GLIS3: variants seen among roughly 807,000 people sequenced by gnomAD.
The protein encoded by GLIS3 is GLIS family zinc finger 3.
Under a neutral mutation model 78.6 loss-of-function variants are expected in GLIS3, and 53 were observed. The ratio of observed to expected loss-of-function variants is 0.67; its 90% CI spans 0.54 to 0.85. GLIS3 has a LOEUF of 0.85. GLIS3 is among the 40% of genes least tolerant of loss of function. The pLI is 0.00. For synonymous variants in GLIS3, 684 were observed against 509.9 expected (o/e 1.34, Z -4.60); for missense variants, 1,703 against 1,231.1 (o/e 1.38, Z -5.74).
intron 2 of GLIS3, among the ~76,000 whole-genome samples, chr9:4,226,316 G>A (rs188589184): frequency 3.9e-5 from 6 of 152,180 alleles, no homozygotes; most frequent in African/African-American, 1.2e-4. Context: ...ATAAAACTCC[G>A]TAAAGATAGG....
chr9:4,170,863 T>C (rs780942283), intron 2 of GLIS3, among the ~76,000 whole-genome samples: 9 of 152,218 alleles, frequency 5.9e-5, no homozygotes, highest in Non-Finnish European at 1.2e-4. Context: ...TCATGAATTC[T>C]CATAACTGGG....
At chr9:4,074,660 T>C (rs1331555594) in intron 4 of GLIS3, among the ~76,000 whole-genome samples, 1 of 152,216 alleles carries the variant, frequency 6.6e-6, no homozygotes, top group Non-Finnish European at 1.5e-5. Context: ...ACTCCATCAC[T>C]ATGAAGCCAA....
chr9:3,848,938 T>C lies in GLIS3; in HGVS notation c.2473+7071A>G, dbSNP rs117840220. 9.8e-5 allele frequency among the ~76,000 whole-genome samples: 15 copies of C among 152,336 alleles called. No homozygotes were observed. The East Asian group carries it at 2.9e-3, about 29-fold the overall frequency. ...GGAAGCCTGCAGGCAGGGCATGCTT[T>C]AAATCATGGGAAAGACAGCTCAGGA... On this transcript the variant is annotated intron_variant, in intron 9 of 10. Transcript: ENST00000381971.
chr9:4,169,090 T>C (rs566206070), intron 2 of GLIS3, among the ~76,000 whole-genome samples: 37 of 152,320 alleles, frequency 2.4e-4, no homozygotes, highest in African/African-American at 8.7e-4. Context: ...GTCCTGTCTC[T>C]ACATTTTAGG....
chr9:4,102,025 G>T (rs1830406965), intron 4 of GLIS3, among the ~76,000 whole-genome samples: 1 of 152,136 alleles, frequency 6.6e-6, no homozygotes, highest in Non-Finnish European at 1.5e-5. Flanking sequence ...ATGAGCAATT[G>T]ATCACTTATA....
At chr9:4,422,237 C>G in the GLIS3 span, among the ~76,000 whole-genome samples, 2 of 152,172 alleles carry the variant, frequency 1.3e-5, no homozygotes, top group Non-Finnish European at 2.9e-5. Flanking sequence ...TCTTCATAAT[C>G]CTATGTGTTT....
chr9:4,230,919 G>A (rs1464302892), intron 2 of GLIS3, among the ~76,000 whole-genome samples: 1 of 152,082 alleles, frequency 6.6e-6, no homozygotes, highest in Non-Finnish European at 1.5e-5. Flanking sequence ...AAATAAAAAT[G>A]TTTAGAGCCA....
At chr9:4,012,213 C>T (rs1167094898) in intron 4 of GLIS3, among the ~76,000 whole-genome samples, 1 of 152,154 alleles carries the variant, frequency 6.6e-6, no homozygotes, top group African/African-American at 2.4e-5. Flanking sequence ...GCAGTGTTTT[C>T]CATAGCTCAG....
intron 2 of GLIS3, among the ~76,000 whole-genome samples, chr9:4,155,097 A>T (rs1249834297): frequency 6.6e-6 from 1 of 152,226 alleles, no homozygotes; most frequent in Non-Finnish European, 1.5e-5. Flanking sequence ...TGCATCTACA[A>T]AGTACTTGTA....
the GLIS3 span, among the ~76,000 whole-genome samples, chr9:4,374,791 C>G: frequency 6.6e-6 from 1 of 152,228 alleles, no homozygotes; most frequent in South Asian, 2.1e-4. Flanking sequence ...TAGCTACACT[C>G]GGAGAGAACC....
At chr9:4,072,646 A>C (rs972729702) in intron 4 of GLIS3, among the ~76,000 whole-genome samples, 3 of 152,156 alleles carry the variant, frequency 2.0e-5, no homozygotes, top group Non-Finnish European at 4.4e-5. Context: ...TAATTCACTG[A>C]AAAGTTTAGC....
At chr9:4,086,304 C>A (rs960347209) in intron 4 of GLIS3, among the ~76,000 whole-genome samples, 1 of 152,214 alleles carries the variant, frequency 6.6e-6, no homozygotes, top group East Asian at 1.9e-4. Context: ...CCCAACCCCA[C>A]CCTGGGGCAA....
rs75383444 is a variant in GLIS3 at position 4,003,074 on chromosome 9, T to C, written c.1711-65885A>G. On this transcript the variant is annotated intron_variant, in intron 4 of 10. Coordinates refer to ENST00000381971, the MANE Select transcript of GLIS3 (RefSeq NM_001042413.2). The stretch of plus-strand genomic sequence containing the variant: ...TGCAAGTATTTCTAATTTAATATAC[T>C]ACTTTTCAAAAGTTTTATATATAGG... Among the ~76,000 whole-genome samples the C allele has an allele frequency of 2.9e-3, 443 of 152,334 alleles. 5 individuals are homozygous for C. Among genetic ancestry groups the C allele is most frequent in the African/African-American group, 0.01 (430 of 41,572 alleles).
At chr9:4,143,898 T>C (rs1422324562) in intron 2 of GLIS3, among the ~76,000 whole-genome samples, 1 of 152,200 alleles carries the variant, frequency 6.6e-6, no homozygotes, top group Admixed American at 6.5e-5. Flanking sequence ...CATCTAAATG[T>C]TTGAAAGAGA....
intron 3 of GLIS3, among the ~76,000 whole-genome samples, chr9:4,119,570 A>T (rs553024489): frequency 9.9e-5 from 15 of 152,202 alleles, no homozygotes; most frequent in Non-Finnish European, 1.6e-4. Flanking sequence ...TAACAAACTG[A>T]TAACAAGTCA....
the GLIS3 span, among the ~76,000 whole-genome samples, chr9:4,413,222 C>G: frequency 4.6e-5 from 7 of 152,238 alleles, no homozygotes; most frequent in Admixed American, 3.3e-4. Context: ...CATTTAATAC[C>G]ACAATCCCAA....
At chr9:4,091,769 C>T (rs806042) in intron 4 of GLIS3, among the ~76,000 whole-genome samples, 104,177 of 152,044 alleles carry the variant, frequency 0.69, 36,055 homozygotes, top group African/African-American at 0.77. Flanking sequence ...CCCAGCCCTG[C>T]GGAACCCCTC....
At chr9:4,035,320 TA>T (rs1476426403) in intron 4 of GLIS3, among the ~76,000 whole-genome samples, 8 of 152,064 alleles carry the variant, frequency 5.3e-5, no homozygotes, top group South Asian at 4.2e-4. Flanking sequence ...TTAACTAAAG[TA>T]AAAGCTCCTG....
At chr9:4,470,255 G>A in the GLIS3 span, among the ~76,000 whole-genome samples, 22 of 152,284 alleles carry the variant, frequency 1.4e-4, no homozygotes, top group African/African-American at 4.8e-4. Context: ...CTCATTTTAT[G>A]AGGCCAGCAT....
Sources: allele counts gnomAD v4.1 joint callset (sites outside exome capture counted in the v4.1 genomes callset), GRCh38; gene constraint gnomAD v4.1.1; transcripts MANE v1.5; gene names NCBI Gene and HGNC (gene_info 2026-07-23, HGNC 2026-07-21).